The following FOXN3 variants were observed in gnomAD, a reference collection of about 807,000 sequenced individuals.
FOXN3 encodes forkhead box protein N3.
Under a neutral mutation model 38.4 loss-of-function variants are expected in FOXN3, and 7 were observed. That is an observed-to-expected ratio of 0.18 (90% CI 0.10 to 0.34). The LOEUF (loss-of-function observed/expected upper bound fraction) is 0.34. Ranked by LOEUF, FOXN3 falls within the 10% of genes least tolerant of loss-of-function variation. The probability of loss-of-function intolerance (pLI) is 1.00; values close to 1 mark genes in which losing one functional copy is unlikely to be tolerated. For missense variants in FOXN3, 456 were observed against 613.4 expected (o/e 0.74, Z 2.71); for synonymous variants, 230 against 242.2 (o/e 0.95, Z 0.47).
At chr14:89,228,023 C>T (rs1291797816) in intron 4 of FOXN3, among the ~76,000 whole-genome samples, 2 of 152,172 alleles carry the variant, frequency 1.3e-5, no homozygotes, top group African/African-American at 4.8e-5. Flanking sequence ...CACAGGAATG[C>T]ACCACCGTGC....
intron 1 of FOXN3, among the ~76,000 whole-genome samples, chr14:89,523,594 T>A (rs1024768128): frequency 6.6e-6 from 1 of 151,984 alleles, no homozygotes; most frequent in Non-Finnish European, 1.5e-5. Flanking sequence ...CTCTAAATAA[T>A]CCATGGATCA....
Position 89,594,256 on chromosome 14 carries a change from C to T in FOXN3, c.-15+24772G>A, listed in dbSNP as rs1204178341. On this transcript the variant is annotated intron_variant, in intron 1 of 6. Transcript: ENST00000345097. ...TAGAACTACTGACTTACAGAATACG[C>T]ATATGTTCATCTTTTATTAGGTAAT... Among the ~76,000 whole-genome samples the T allele has an allele frequency of 6.6e-5, 10 of 152,188 alleles. No individual in the cohort carries two copies. In the South Asian group the frequency reaches 8.3e-4, roughly 13 times the overall value.
chr14:89,264,447 A>G (rs1885905524), intron 4 of FOXN3, among the ~76,000 whole-genome samples: 1 of 152,158 alleles, frequency 6.6e-6, no homozygotes, highest in Non-Finnish European at 1.5e-5. Flanking sequence ...TGATTCAATT[A>G]TCTCCCATGG....
intron 1 of FOXN3, among the ~76,000 whole-genome samples, chr14:89,452,268 C>G (rs539405532): frequency 6.6e-6 from 1 of 152,244 alleles, no homozygotes; most frequent in African/African-American, 2.4e-5. Context: ...GGTTCTGAAT[C>G]AAGGGGCATC....
At chr14:89,403,275 C>T (rs953608364) in intron 2 of FOXN3, among the ~76,000 whole-genome samples, 7 of 152,090 alleles carry the variant, frequency 4.6e-5, no homozygotes, top group Non-Finnish European at 1.0e-4. Flanking sequence ...GATCATGGCT[C>T]ACCGTAGCCT....
chr14:89,166,448 T>C (rs1255526440), intron 5 of FOXN3, among the ~76,000 whole-genome samples: 2 of 152,114 alleles, frequency 1.3e-5, no homozygotes, highest in Non-Finnish European at 2.9e-5. Flanking sequence ...AAGTCCCTAT[T>C]GGAACACTGG....
chr14:89,611,701 G>C (rs1013260752), intron 1 of FOXN3, among the ~76,000 whole-genome samples: 1 of 151,886 alleles, frequency 6.6e-6, no homozygotes, highest in Admixed American at 6.6e-5. Context: ...AGCTGCTGGG[G>C]AGGCTGAGGC....
intron 1 of FOXN3, among the ~76,000 whole-genome samples, chr14:89,505,781 GA>G (rs1893908780): frequency 6.6e-6 from 1 of 151,272 alleles, no homozygotes; most frequent in African/African-American, 2.4e-5. Flanking sequence ...GCCCAGTCTG[GA>G]AAGTGAGGAG....
chr14:89,227,784 G>A (rs574164297), intron 4 of FOXN3, among the ~76,000 whole-genome samples: 3 of 152,310 alleles, frequency 2.0e-5, no homozygotes, highest in Admixed American at 1.3e-4. Context: ...TGAAGGAATC[G>A]GAGGGCTGGT....
intron 1 of FOXN3, among the ~76,000 whole-genome samples, chr14:89,438,366 G>A (rs1236990217): frequency 3.3e-5 from 5 of 152,172 alleles, no homozygotes; most frequent in African/African-American, 1.2e-4. Flanking sequence ...GAAACTTAAG[G>A]TTTTCCCAAA....
At chr14:89,394,231 T>TTC (rs1555423535) in intron 2 of FOXN3, among the ~76,000 whole-genome samples, 150 of 146,884 alleles carry the variant, frequency 1.0e-3, no homozygotes, top group South Asian at 2.7e-3. Context: ...TTTTTTTTTT[T>TTC]TTTGAGATGG....
At chr14:89,209,320 A>G (rs1197208552) in intron 4 of FOXN3, among the ~76,000 whole-genome samples, 2 of 152,212 alleles carry the variant, frequency 1.3e-5, no homozygotes, top group African/African-American at 2.4e-5. Context: ...CCCAATAGGT[A>G]TTCAATAACC....
At chr14:89,184,550 C>T (rs570625493) in intron 4 of FOXN3, among the ~76,000 whole-genome samples, 10 of 152,236 alleles carry the variant, frequency 6.6e-5, no homozygotes, top group Admixed American at 6.5e-4. Context: ...CCTTGTCTCA[C>T]GGAACCCTCA....
intron 1 of FOXN3, among the ~76,000 whole-genome samples, chr14:89,415,873 CACACACACACCCT>C (rs1237291651): frequency 6.6e-6 from 1 of 151,480 alleles, no homozygotes; most frequent in Non-Finnish European, 1.5e-5. Flanking sequence ...CACACACACA[CACACACACACCCT>C]CTTTTGTTTT....
At chr14:89,511,182 TTTCTTTC>T (rs1215054947) in intron 1 of FOXN3, among the ~76,000 whole-genome samples, 4 of 22,486 alleles carry the variant, frequency 1.8e-4, no homozygotes, top group African/African-American at 3.1e-4. Flanking sequence ...TCTTTCTTTC[TTTCTTTC>T]TTTTCTTTCT....
At chr14:89,312,477 A>G (rs1021033721) in intron 3 of FOXN3, among the ~76,000 whole-genome samples, 1 of 152,154 alleles carries the variant, frequency 6.6e-6, no homozygotes, top group African/African-American at 2.4e-5. Context: ...CCCAGGGATG[A>G]CAGGAGAACA....
At chr14:89,182,821 C>T (rs567366841) in intron 4 of FOXN3, among the ~76,000 whole-genome samples, 13 of 152,294 alleles carry the variant, frequency 8.5e-5, no homozygotes, top group Non-Finnish European at 1.5e-4. Flanking sequence ...AATAGACTCA[C>T]ACGCATGTGG....
At chr14:89,599,005 T>A (rs1896108106) in intron 1 of FOXN3, among the ~76,000 whole-genome samples, 1 of 152,176 alleles carries the variant, frequency 6.6e-6, no homozygotes, top group Non-Finnish European at 1.5e-5. Flanking sequence ...CCACTTTCTC[T>A]CTCCTCTCCT....
At chr14:89,245,350 A>G (rs1596128079) in intron 4 of FOXN3, among the ~76,000 whole-genome samples, 2 of 152,322 alleles carry the variant, frequency 1.3e-5, no homozygotes, top group East Asian at 3.9e-4. Flanking sequence ...ATATCAAAAA[A>G]GTGTTTCTGC....
Sources: allele counts gnomAD v4.1 joint callset (sites outside exome capture counted in the v4.1 genomes callset), GRCh38; gene constraint gnomAD v4.1.1; transcripts MANE v1.5; gene names NCBI Gene and HGNC (gene_info 2026-07-23, HGNC 2026-07-21).